The following RGS6 variants were observed in gnomAD, a reference collection of about 807,000 sequenced individuals.
RGS6 encodes the protein regulator of G protein signaling 6.
RGS6 carries 30 observed loss-of-function variants against 78.5 expected under a neutral mutation model. The observed-to-expected ratio is 0.38, with a 90% CI of 0.29 to 0.52. RGS6 has a LOEUF of 0.52. Among genes scored for constraint, RGS6 ranks in the 20% least tolerant of loss-of-function variants. RGS6 has a pLI of 0.85. For synonymous variants in RGS6, 206 were observed against 206.0 expected (o/e 1.00, Z 0.00); for missense variants, 495 against 609.7 (o/e 0.81, Z 1.98).
chr14:71,897,411 A>G, the RGS6 span, among the ~76,000 whole-genome samples: 1 of 152,216 alleles, frequency 6.6e-6, no homozygotes, highest in African/African-American at 2.4e-5. Context: ...ATATGCTGCC[A>G]AGTGCTGTGG....
At chr14:72,254,412 C>T (rs2056598108) in intron 2 of RGS6, among the ~76,000 whole-genome samples, 2 of 152,098 alleles carry the variant, frequency 1.3e-5, no homozygotes, top group Non-Finnish European at 2.9e-5. Context: ...TGGCTCAGAC[C>T]TGTAGCTTCC....
At chr14:72,138,349 A>AGG (rs976908303) in intron 2 of RGS6, among the ~76,000 whole-genome samples, 1 of 148,428 alleles carries the variant, frequency 6.7e-6, no homozygotes, top group South Asian at 2.2e-4. Flanking sequence ...GAGCGCATTG[A>AGG]GGGGGAGGGT....
the RGS6 span, among the ~76,000 whole-genome samples, chr14:71,872,171 C>G: frequency 3.3e-5 from 5 of 152,138 alleles, no homozygotes; most frequent in African/African-American, 1.2e-4. Flanking sequence ...CCTCAGCCAC[C>G]AACTCATGTT....
At chr14:72,101,880 C>CT (rs1374321460) in intron 2 of RGS6, among the ~76,000 whole-genome samples, 1 of 152,160 alleles carries the variant, frequency 6.6e-6, no homozygotes. Context: ...TTCTCTGATC[C>CT]TTTGGAAGTA....
chr14:71,939,923 G>A, intron 1 of RGS6, among the ~76,000 whole-genome samples: 1 of 152,110 alleles, frequency 6.6e-6, no homozygotes, highest in East Asian at 1.9e-4. Context: ...CTTCCATTTG[G>A]GCTTTCCCCC....
chr14:72,180,361 T>A (rs963208456), intron 2 of RGS6, among the ~76,000 whole-genome samples: 2 of 152,250 alleles, frequency 1.3e-5, no homozygotes, highest in African/African-American at 2.4e-5. Context: ...TAAGAGATGC[T>A]TAATCAATGT....
intron 3 of RGS6, chr14:72,421,090 T>C (rs1386011004): frequency 4.1e-4 from 1 of 2,420 alleles, no homozygotes. Flanking sequence ...GCAGCTAGAT[T>C]TTTTTTTTTT....
At chr14:72,543,994 T>C (rs1567095257) in intron 17 of RGS6, among the ~76,000 whole-genome samples, 1 of 152,086 alleles carries the variant, frequency 6.6e-6, no homozygotes, top group African/African-American at 2.4e-5. Context: ...CCTCCCAAAG[T>C]GCTGGGATTA....
chr14:72,578,252 C>T, the RGS6 span, among the ~76,000 whole-genome samples: 2 of 152,172 alleles, frequency 1.3e-5, no homozygotes, highest in Non-Finnish European at 1.5e-5. Flanking sequence ...GACATGTTCA[C>T]ATCCTCCTCC....
the RGS6 span, among the ~76,000 whole-genome samples, chr14:72,617,488 ATTAC>A: frequency 6.6e-6 from 1 of 152,074 alleles, no homozygotes; most frequent in African/African-American, 2.4e-5. Flanking sequence ...GCGGAAGGAA[ATTAC>A]TTATGAGGAA....
chr14:72,518,358 C>T lies in RGS6; in HGVS notation c.1099C>T (p.Leu367=). ...TTTCTGCTCCCACTTCAGGTTCTGG[C>T]TGGCTGTCCAAGATCTTAAGAAACA... ...EFSSENLRFW[L]AVQDLKKQPL... The change falls in exon 15 of 18, where the codon CTG becomes TTG. Residue 367 remains leucine (L), a synonymous_variant. Transcript: ENST00000553525. The T allele has an allele frequency of 3.1e-6, 5 of 1,613,030 alleles. No homozygotes were observed. Among genetic ancestry groups the T allele is most frequent in the Non-Finnish European group, 3.4e-6 (4 of 1,179,212 alleles).
intron 2 of RGS6, among the ~76,000 whole-genome samples, chr14:72,229,927 C>G (rs1005165174): frequency 3.9e-5 from 6 of 152,190 alleles, no homozygotes; most frequent in African/African-American, 1.4e-4. Context: ...CTGCAAAACC[C>G]TACTGGAGAA....
At chr14:72,268,295 T>C (rs2239257) in intron 2 of RGS6, among the ~76,000 whole-genome samples, 86,060 of 152,108 alleles carry the variant, frequency 0.57, 24,746 homozygotes, top group African/African-American at 0.65. Context: ...GTTAAAGGTA[T>C]GGTATTGGGA....
At chr14:72,107,274 C>A (rs976719001) in intron 2 of RGS6, among the ~76,000 whole-genome samples, 9 of 152,004 alleles carry the variant, frequency 5.9e-5, no homozygotes, top group African/African-American at 2.2e-4. Flanking sequence ...TAGGTTTAAA[C>A]GTAGTGGAAG....
intron 15 of RGS6, among the ~76,000 whole-genome samples, chr14:72,527,757 C>T (rs1295822004): frequency 6.6e-6 from 1 of 152,148 alleles, no homozygotes; most frequent in Non-Finnish European, 1.5e-5. Context: ...CAGTCCAGTT[C>T]CTTGTCCATC....
At chr14:71,890,391 A>AGAGAGG in the RGS6 span, among the ~76,000 whole-genome samples, 2 of 151,812 alleles carry the variant, frequency 1.3e-5, no homozygotes, top group Admixed American at 6.6e-5. Context: ...AGAGAGAGAG[A>AGAGAGG]GAAATCTTGT....
rs1318637222 is a variant in RGS6, at chr14:72,537,860, G to C, written c.1368+1585G>C. 3 of 292,122 alleles carry C rather than the reference G, an allele frequency of 1.0e-5. No homozygotes were observed. In the East Asian group the frequency reaches 1.9e-4, roughly 18 times the overall value. 18.1% of individuals were successfully genotyped at this position (292,122 alleles called of 1,614,324 possible). Reference sequence around the variant, plus strand: ...AAGCTAGAGGCCATTGATTCTCCTTGTGGGTTTGAACACAAAGGAAAAATG... The same window carrying C: ...AAGCTAGAGGCCATTGATTCTCCTTCTGGGTTTGAACACAAAGGAAAAATG... On this transcript the variant is annotated intron_variant, in intron 16 of 17. Transcript: ENST00000553525.
intron 2 of RGS6, among the ~76,000 whole-genome samples, chr14:72,116,445 G>C (rs1027005971): frequency 1.3e-5 from 2 of 151,704 alleles, no homozygotes; most frequent in African/African-American, 4.8e-5. Context: ...CATCTGTCCT[G>C]GGCATTTTAG....
intron 1 of RGS6, among the ~76,000 whole-genome samples, chr14:71,959,284 A>G (rs1467386362): frequency 6.6e-6 from 1 of 152,108 alleles, no homozygotes; most frequent in Non-Finnish European, 1.5e-5. Context: ...GCTAGCACAC[A>G]TCTTGTAAAT....
Sources: allele counts gnomAD v4.1 joint callset (sites outside exome capture counted in the v4.1 genomes callset), GRCh38; gene constraint gnomAD v4.1.1; transcripts MANE v1.5; gene names NCBI Gene and HGNC (gene_info 2026-07-23, HGNC 2026-07-21).